Variants in PAK1 observed in about 807,000 individuals in gnomAD.
PAK1 encodes serine/threonine-protein kinase PAK 1.
A neutral mutation model predicts 67.4 loss-of-function variants in PAK1; 29 were observed. The ratio of observed to expected loss-of-function variants is 0.43; its 90% CI spans 0.32 to 0.59. PAK1 has a LOEUF of 0.59. PAK1 is among the 20% of genes least tolerant of loss of function. The pLI is 0.07. For missense variants in PAK1, 337 were observed against 670.7 expected, an observed-to-expected ratio of 0.50 and a Z score of 5.50; for synonymous variants, 223 against 237.4, an observed-to-expected ratio of 0.94 and a Z score of 0.56.
At chr11:77,409,158 A>G (rs747834721) in intron 1 of PAK1, among the ~76,000 whole-genome samples, 14 of 152,066 alleles carry the variant, frequency 9.2e-5, no homozygotes, top group Non-Finnish European at 2.9e-5. Flanking sequence ...TGCAGTCCCA[A>G]CTACTTCAGA....
At chr11:77,396,950 T>C (rs1240815719) in intron 1 of PAK1, 2 of 152,220 alleles carry the variant, frequency 1.3e-5, no homozygotes, top group Middle Eastern at 3.2e-3. Context: ...ACCTGTACCA[T>C]TTTAAACTTT....
chr11:77,520,181 T>C, the PAK1 span, among the ~76,000 whole-genome samples: 1 of 151,932 alleles, frequency 6.6e-6, no homozygotes, highest in Non-Finnish European at 1.5e-5. Context: ...GCTGTCTCAT[T>C]CCCCCCTCTA....
intron 1 of PAK1, among the ~76,000 whole-genome samples, chr11:77,448,798 A>G (rs1218746699): frequency 6.6e-6 from 1 of 152,222 alleles, no homozygotes; most frequent in Non-Finnish European, 1.5e-5. Context: ...TGTGGAAAGC[A>G]AAGTGGTATA....
chr11:77,345,076 A>G (rs1210908915), intron 9 of PAK1, among the ~76,000 whole-genome samples: 1 of 152,174 alleles, frequency 6.6e-6, no homozygotes, highest in Non-Finnish European at 1.5e-5. Context: ...CTCCAAACCC[A>G]ATATGCCTTT....
At chr11:77,342,086 A>G (rs1378158586) in intron 10 of PAK1, among the ~76,000 whole-genome samples, 1 of 152,224 alleles carries the variant, frequency 6.6e-6, no homozygotes, top group Non-Finnish European at 1.5e-5. Flanking sequence ...AGGTGATTAC[A>G]TCATGAGGGT....
intron 5 of PAK1, among the ~76,000 whole-genome samples, chr11:77,359,751 G>A (rs933554626): frequency 2.0e-5 from 3 of 152,092 alleles, no homozygotes; most frequent in Non-Finnish European, 4.4e-5. Context: ...AGAGTGGCAG[G>A]TTTTAGGGCA....
chr11:77,356,723 C>T (rs1342338551), intron 6 of PAK1, among the ~76,000 whole-genome samples: 7 of 152,128 alleles, frequency 4.6e-5, no homozygotes, highest in Admixed American at 6.6e-5. Context: ...ACATAACAAA[C>T]ATTTACTGAG....
intron 4 of PAK1, among the ~76,000 whole-genome samples, chr11:77,378,338 A>T (rs1359162352): frequency 6.6e-6 from 1 of 152,186 alleles, no homozygotes; most frequent in Non-Finnish European, 1.5e-5. Flanking sequence ...TCTAATCCCA[A>T]TTCTGCTATT....
intron 1 of PAK1, among the ~76,000 whole-genome samples, chr11:77,417,513 T>A (rs1955032565): frequency 6.6e-6 from 1 of 152,194 alleles, no homozygotes; most frequent in African/African-American, 2.4e-5. Flanking sequence ...ACGGGGCATT[T>A]TTAGGGTGTA....
At chr11:77,479,106 A>G (rs1419146990), upstream of PAK1, among the ~76,000 whole-genome samples, 1 of 149,158 alleles carries the variant, frequency 6.7e-6, no homozygotes, top group Non-Finnish European at 1.5e-5. Context: ...AAAAAAAGTT[A>G]AGATCTAAGC....
intron 14 of PAK1, among the ~76,000 whole-genome samples, chr11:77,327,492 A>G (rs571694535): frequency 2.7e-4 from 41 of 152,326 alleles, no homozygotes. Context: ...ACATTCTTAA[A>G]GAAAAGAATT....
At chr11:77,456,346 AG>A (rs1957077005) in intron 1 of PAK1, among the ~76,000 whole-genome samples, 2 of 152,178 alleles carry the variant, frequency 1.3e-5, no homozygotes, top group South Asian at 4.1e-4. Flanking sequence ...ACAACAGTAA[AG>A]GAAAAAAAAA....
At chr11:77,330,201 C>A (rs1941136352) in intron 14 of PAK1, among the ~76,000 whole-genome samples, 1 of 152,116 alleles carries the variant, frequency 6.6e-6, no homozygotes, top group African/African-American at 2.4e-5. Flanking sequence ...TGAAAATGGC[C>A]ATACTGCCCA....
the PAK1 span, among the ~76,000 whole-genome samples, chr11:77,528,886 T>G: frequency 6.6e-6 from 1 of 152,218 alleles, no homozygotes; most frequent in Admixed American, 6.5e-5. Context: ...TATTTCTTAA[T>G]TGGTGTTGTA....
chr11:77,464,989 A>AGT (rs57578087), intron 1 of PAK1, among the ~76,000 whole-genome samples: 73,448 of 148,846 alleles, frequency 0.49, 19,678 homozygotes, highest in Non-Finnish European at 0.63. Flanking sequence ...TACATGAAAG[A>AGT]GTGTGTGTGT....
At chr11:77,344,021 C>T (rs1461810847) in intron 9 of PAK1, 90 bp from the exon 10 acceptor site, 3 of 818,714 alleles carry the variant, frequency 3.7e-6, no homozygotes, top group African/African-American at 3.3e-5. Context: ...ACTCAGGAAA[C>T]AAAGATGAGT....
At chr11:77,458,441 T>C in intron 1 of PAK1, among the ~76,000 whole-genome samples, 1 of 152,240 alleles carries the variant, frequency 6.6e-6, no homozygotes, top group East Asian at 1.9e-4. Context: ...ATTACCCACA[T>C]TAATTCTCCC....
At chr11:77,331,566 ATAGG>A (rs1941531132) in intron 14 of PAK1, among the ~76,000 whole-genome samples, 1 of 152,180 alleles carries the variant, frequency 6.6e-6, no homozygotes, top group Admixed American at 6.5e-5. Flanking sequence ...GTTCTCACTC[ATAGG>A]TAGGAAATGA....
At chr11:77,493,581 C>T in the PAK1 span, among the ~76,000 whole-genome samples, 1 of 150,644 alleles carries the variant, frequency 6.6e-6, no homozygotes, top group African/African-American at 2.4e-5. Flanking sequence ...ACGTCAGCCA[C>T]CATGCCTGGC....
Sources: gnomAD v4.1 joint callset for allele counts (sites outside exome capture counted in the v4.1 genomes callset) on GRCh38, gnomAD v4.1.1 for gene constraint, MANE v1.5 for transcripts, NCBI Gene and HGNC (gene_info 2026-07-23, HGNC 2026-07-21) for gene names.